NKAIN3: variants seen among roughly 807,000 people sequenced by gnomAD.
NKAIN3 encodes sodium/potassium transporting ATPase interacting 3.
Under a neutral mutation model 30.2 loss-of-function variants are expected in NKAIN3, and 25 were observed. That is an observed-to-expected ratio of 0.83 (90% CI 0.60 to 1.16). The LOEUF (loss-of-function observed/expected upper bound fraction) is 1.16, where lower values mean the gene tolerates loss of function less well. NKAIN3 is among the 50% of genes most tolerant of loss of function. The probability of loss-of-function intolerance (pLI) is 0.00; values close to 1 mark genes in which losing one functional copy is unlikely to be tolerated. For synonymous variants in NKAIN3, 91 were observed against 89.6 expected (o/e 1.02, Z -0.09); for missense variants, 225 against 254.1 (o/e 0.89, Z 0.78).
chr8:62,488,333 T>A (rs542601072), intron 1 of NKAIN3, among the ~76,000 whole-genome samples: 1 of 152,290 alleles, frequency 6.6e-6, no homozygotes, highest in South Asian at 2.1e-4. Flanking sequence ...CCTTCTTTCC[T>A]CTGCTAATTC....
intron 1 of NKAIN3, among the ~76,000 whole-genome samples, chr8:62,543,352 C>T (rs760987370): frequency 1.3e-5 from 2 of 152,116 alleles, no homozygotes; most frequent in Non-Finnish European, 2.9e-5. Flanking sequence ...ATTCATTTCC[C>T]TTCCATGCCC....
intron 4 of NKAIN3, among the ~76,000 whole-genome samples, chr8:62,756,968 A>C (rs1018893576): frequency 6.6e-6 from 1 of 152,150 alleles, no homozygotes; most frequent in African/African-American, 2.4e-5. Context: ...ATCTCCAAAT[A>C]TTGATTATTA....
At chr8:62,345,392 C>CATATAT (rs1815918295) in intron 1 of NKAIN3, among the ~76,000 whole-genome samples, 3 of 17,338 alleles carry the variant, frequency 1.7e-4, no homozygotes, top group African/African-American at 3.8e-4. Flanking sequence ...TATATATACA[C>CATATAT]ACATATACAC....
chr8:62,684,087 C>T (rs992181580), intron 3 of NKAIN3, among the ~76,000 whole-genome samples: 23 of 152,294 alleles, frequency 1.5e-4, no homozygotes, highest in African/African-American at 5.5e-4. Context: ...ATCAGACATC[C>T]ACTATCAACT....
intron 3 of NKAIN3, among the ~76,000 whole-genome samples, chr8:62,675,057 G>A (rs1813430830): frequency 6.6e-6 from 1 of 151,936 alleles, no homozygotes; most frequent in Non-Finnish European, 1.5e-5. Context: ...TTGTCTGGGA[G>A]CATGGAAGTT....
rs1048805130 is a variant in NKAIN3, at chr8:62,972,368, A to G, written c.*6961A>G. On this transcript the variant is annotated 3_prime_UTR_variant, in exon 7 of 7. Transcript: ENST00000623646. Reference sequence around the variant, plus strand: ...AAATTTTTTGTAATTATAAATATGTATATATTGGGGGGCAAAATATGACTT... The same window carrying G: ...AAATTTTTTGTAATTATAAATATGTGTATATTGGGGGGCAAAATATGACTT... 2.6e-5 allele frequency among the ~76,000 whole-genome samples: 4 copies of G among 152,142 alleles called. No homozygotes were observed. Among genetic ancestry groups the G allele is most frequent in the South Asian group, 4.1e-4 (2 of 4,834 alleles).
In NKAIN3 at chr8:62,423,013, ATCCAAGAAC is replaced by A. The variant is rs368876579; in HGVS notation, c.55-156523_55-156515del. Among the ~76,000 whole-genome samples, 42 of 152,160 alleles carry A rather than the reference ATCCAAGAAC, an allele frequency of 2.8e-4. No individual in the cohort carries two copies. In the East Asian group the frequency reaches 7.2e-3, roughly 26 times the overall value. On this transcript the variant is annotated intron_variant, in intron 1 of 6. Transcript: ENST00000623646. ...TGAGGCAACTGTCCTCCAAGGAGAG[ATCCAAGAAC>A]TCTGGTTCCTTCTAACAGTGGTTTT...
chr8:62,782,259 G>T (rs1563558935), intron 4 of NKAIN3, among the ~76,000 whole-genome samples: 1 of 151,814 alleles, frequency 6.6e-6, no homozygotes, highest in Non-Finnish European at 1.5e-5. Context: ...TTACTAAAAA[G>T]ACAAAAATAA....
intron 1 of NKAIN3, among the ~76,000 whole-genome samples, chr8:62,331,470 G>A (rs1434940517): frequency 1.3e-5 from 2 of 152,110 alleles, no homozygotes; most frequent in African/African-American, 4.8e-5. Context: ...GCCTGGCACC[G>A]TCAGCGTAGT....
At chr8:62,592,422 A>C (rs1300680433) in intron 3 of NKAIN3, among the ~76,000 whole-genome samples, 1 of 152,088 alleles carries the variant, frequency 6.6e-6, no homozygotes, top group Non-Finnish European at 1.5e-5. Context: ...ATCCTCATTA[A>C]CATTTAAGAC....
intron 4 of NKAIN3, among the ~76,000 whole-genome samples, chr8:62,777,976 G>A (rs1374624884): frequency 1.3e-5 from 2 of 152,066 alleles, no homozygotes; most frequent in African/African-American, 4.8e-5. Flanking sequence ...GCATGTTGGG[G>A]GGCTTGGATA....
chr8:62,621,879 T>C (rs1231159075), intron 3 of NKAIN3, among the ~76,000 whole-genome samples: 2 of 152,058 alleles, frequency 1.3e-5, no homozygotes, highest in Admixed American at 6.6e-5. Context: ...TTTCAAAGCA[T>C]TGAACAGTCA....
chr8:62,995,249 C>T (rs1219437944), intron 5 of NKAIN3, among the ~76,000 whole-genome samples: 1 of 152,160 alleles, frequency 6.6e-6, no homozygotes, highest in Non-Finnish European at 1.5e-5. Context: ...ATTAGATGGG[C>T]GTGGCAGAAG....
At chr8:62,297,858 A>G (rs1813890777) in intron 1 of NKAIN3, among the ~76,000 whole-genome samples, 4 of 152,314 alleles carry the variant, frequency 2.6e-5, no homozygotes, top group Admixed American at 1.3e-4. Context: ...ATGCTGCTAT[A>G]AAGACACATG....
chr8:62,703,054 G>A (rs530888856), intron 3 of NKAIN3, among the ~76,000 whole-genome samples: 2 of 152,262 alleles, frequency 1.3e-5, no homozygotes, highest in East Asian at 1.9e-4. Context: ...TCGTGGGAAT[G>A]AGCACTATTA....
At position 62,329,264 on chromosome 8, in the gene NKAIN3, C is replaced by T. The variant is rs567693782; in HGVS notation, c.54+80137C>T. On this transcript the variant is annotated intron_variant, in intron 1 of 6. Coordinates refer to ENST00000623646, the MANE Select transcript of NKAIN3 (RefSeq NM_001304533.3). Reference sequence around the variant, plus strand: ...AGAAAATAAGTGTTTACTCTTTTACCCTGAAAAATTTGAAAGACTTTTCTA... The same window carrying T: ...AGAAAATAAGTGTTTACTCTTTTACTCTGAAAAATTTGAAAGACTTTTCTA... Among the ~76,000 whole-genome samples the T allele has an allele frequency of 3.3e-5, 5 of 151,926 alleles. No individual in the cohort carries two copies. The South Asian group carries it at 1.0e-3, about 32-fold the overall frequency.
At chr8:62,502,463 G>A (rs912084448) in intron 1 of NKAIN3, among the ~76,000 whole-genome samples, 4 of 152,072 alleles carry the variant, frequency 2.6e-5, no homozygotes, top group Non-Finnish European at 5.9e-5. Context: ...ATTTTCCAGA[G>A]TTAACCATTC....
chr8:62,500,457 GAA>G (rs1429036999), intron 1 of NKAIN3, among the ~76,000 whole-genome samples: 1 of 121,224 alleles, frequency 8.2e-6, no homozygotes. Context: ...AAGAAAGAAA[GAA>G]AGAAAGAAAG....
At position 62,803,997 on chromosome 8, in the gene NKAIN3, T is replaced by C. The variant is rs187985299; in HGVS notation, c.471+56868T>C. ...AATACTACAAACACCTCTACACAAATAAACTAGAAAATCTAGCAGAAATGG... is the reference window on the plus strand; with the variant it reads ...AATACTACAAACACCTCTACACAAACAAACTAGAAAATCTAGCAGAAATGG... On this transcript the variant is annotated intron_variant, in intron 4 of 6. Transcript: ENST00000623646. Among the ~76,000 whole-genome samples, 897 of 152,178 alleles carry C rather than the reference T, an allele frequency of 5.9e-3. 9 individuals carry two copies. Among genetic ancestry groups the C allele is most frequent in the African/African-American group, 0.02 (838 of 41,528 alleles).
Sources: allele counts gnomAD v4.1 joint callset (sites outside exome capture counted in the v4.1 genomes callset), GRCh38; gene constraint gnomAD v4.1.1; transcripts MANE v1.5; gene names NCBI Gene and HGNC (gene_info 2026-07-23, HGNC 2026-07-21).